The following PTCD2 variants were observed in gnomAD, a reference collection of about 807,000 sequenced individuals.
PTCD2 encodes pentatricopeptide repeat domain 2.
Under a neutral mutation model 42.6 loss-of-function variants are expected in PTCD2, and 31 were observed. The observed-to-expected ratio is 0.73, with a 90% confidence interval of 0.55 to 0.98. PTCD2 has a LOEUF of 0.98. PTCD2 is among the 50% of genes least tolerant of loss of function. PTCD2 has a pLI of 0.00. For synonymous variants in PTCD2, 183 were observed against 170.9 expected (o/e 1.07, Z -0.55); for missense variants, 476 against 454.8 (o/e 1.05, Z -0.42).
Position 72,364,140 on chromosome 5 carries a change from A to C in PTCD2, c.*5713A>C, listed in dbSNP as rs1449676988. 1 of 152,262 alleles carries C rather than the reference A, an allele frequency of 6.6e-6. No individual in the cohort carries two copies. The highest frequency in any genetic ancestry group is 6.5e-5 in the Admixed American group (1 of 15,292). 9.4% of individuals were successfully genotyped at this position (152,262 alleles called of 1,614,324 possible). A position where few individuals can be genotyped will look rare whatever the true frequency, so the allele number is the denominator to read the frequency against. The stretch of plus-strand genomic sequence containing the variant: ...GAATCAAGGAATTACATTGGCTTAA[A>C]TGGCATTAGCTCAAAAAAGTGTTCT... On this transcript the variant is annotated 3_prime_UTR_variant, in exon 10 of 10. Coordinates refer to ENST00000380639, the MANE Select transcript of PTCD2 (RefSeq NM_024754.5).
intron 3 of PTCD2, among the ~76,000 whole-genome samples, chr5:72,329,241 A>G (rs1293674719): frequency 6.6e-6 from 1 of 152,212 alleles, no homozygotes; most frequent in Non-Finnish European, 1.5e-5. Flanking sequence ...ACTTGTAGAC[A>G]GCCGGACAAG....
chr5:72,341,338 C>A (rs1432994892), intron 7 of PTCD2, among the ~76,000 whole-genome samples: 1 of 152,126 alleles, frequency 6.6e-6, no homozygotes, highest in Non-Finnish European at 1.5e-5. Flanking sequence ...GCCACTGTAC[C>A]AGTTATTTTC....
chr5:72,324,274 A>G (rs751217949), intron 2 of PTCD2, among the ~76,000 whole-genome samples: 16 of 152,164 alleles, frequency 1.1e-4, no homozygotes, highest in African/African-American at 3.4e-4. Context: ...AATCTGCTCT[A>G]TTGTCAGACT....
intron 9 of PTCD2, 122 bp from the exon 10 acceptor site, chr5:72,358,081 G>A (rs1752966823): frequency 1.2e-6 from 1 of 860,804 alleles, no homozygotes; most frequent in African/African-American, 1.7e-5. Flanking sequence ...ATTAAAGCAT[G>A]GGCCACCTCG....
At position 72,320,419 on chromosome 5, in the gene PTCD2, T is replaced by C. The variant is rs1750746234; in HGVS notation, c.37T>C (p.Ser13Pro). ...RDSMAAAFRPSNRVLLQALQI... is the reference protein window; with the variant it reads ...RDSMAAAFRPPNRVLLQALQI... ...CAGTATGGCTGCTGCATTTCGGCCCTCGAATCGAGTTCTCCTGCAGGCGCT... is the reference window on the plus strand; with the variant it reads ...CAGTATGGCTGCTGCATTTCGGCCCCCGAATCGAGTTCTCCTGCAGGCGCT... Residue 13 changes from serine (S) to proline (P), a missense_variant, in exon 1 of 10, where the codon TCG becomes CCG. Ser to Pro is a moderately conservative substitution (Grantham distance 74, BLOSUM62 -1). Transcript: ENST00000380639. 6.2e-7 allele frequency: 1 copy of C among 1,614,086 alleles called. No individual in the cohort carries two copies. The highest frequency in any genetic ancestry group is 1.3e-5 in the African/African-American group (1 of 75,012).
Position 72,358,497 on chromosome 5 carries a change from C to G in PTCD2, c.*70C>G. 1 of 1,123,614 alleles carries G rather than the reference C, an allele frequency of 8.9e-7. No homozygotes were observed. The allele number at this position is 1,123,614 out of a possible 1,614,324, so 69.6% of individuals were successfully genotyped here. ...TGAGTTATTACCTTTCCTAAGAAGC[C>G]AGGTATCGCACTTCAGCAGACAGTG... On this transcript the variant is annotated 3_prime_UTR_variant, in exon 10 of 10. Coordinates refer to ENST00000380639, the MANE Select transcript of PTCD2 (RefSeq NM_024754.5).
At chr5:72,320,730 G>A (rs1162447462) in intron 1 of PTCD2, 4 of 594,150 alleles carry the variant, frequency 6.7e-6, no homozygotes, top group Non-Finnish European at 1.2e-5. Flanking sequence ...TATTGACCTT[G>A]GGGCTGTAGT....
chr5:72,357,985 A>T (rs545697569), intron 9 of PTCD2, among the ~76,000 whole-genome samples: 78 of 152,184 alleles, frequency 5.1e-4, no homozygotes, highest in African/African-American at 1.8e-3. Context: ...ATTTTTTTAC[A>T]GACAAAGTCT....
In PTCD2 at chr5:72,358,271, G is replaced by A; in HGVS notation, c.1011G>A (p.Gly337=). ...ALVAKFDEIY[G]TLHITGQVTT... is the part of the protein sequence containing the mutation. Reference sequence around the variant, plus strand: ...TGGCCAAATTTGATGAGATCTATGGGACACTGCACATCACTGGCCAGGTCA... The same window carrying A: ...TGGCCAAATTTGATGAGATCTATGGAACACTGCACATCACTGGCCAGGTCA... The change falls in exon 10 of 10, where the codon GGG becomes GGA. Residue 337 remains glycine (G), a synonymous_variant. Transcript: ENST00000380639. The A allele has an allele frequency of 8.1e-6, 13 of 1,614,078 alleles. No individual in the cohort carries two copies. The highest frequency in any genetic ancestry group is 1.7e-4 in the Middle Eastern group (1 of 6,058).
intron 6 of PTCD2, among the ~76,000 whole-genome samples, chr5:72,336,968 C>T (rs1751785963): frequency 6.6e-6 from 1 of 152,050 alleles, no homozygotes; most frequent in Non-Finnish European, 1.5e-5. Flanking sequence ...AAGAATGTAG[C>T]AATACCAGTT....
intron 9 of PTCD2, among the ~76,000 whole-genome samples, chr5:72,355,729 CAG>C (rs1396141355): frequency 5.9e-5 from 9 of 152,142 alleles, no homozygotes; most frequent in African/African-American, 1.7e-4. Context: ...AGGTGAAAAA[CAG>C]AAGTGTAAAG....
At chr5:72,321,707 A>G (rs1750857869) in intron 1 of PTCD2, among the ~76,000 whole-genome samples, 1 of 152,222 alleles carries the variant, frequency 6.6e-6, no homozygotes. Flanking sequence ...CATTTCACAG[A>G]GGACAAAACT....
intron 8 of PTCD2, among the ~76,000 whole-genome samples, chr5:72,348,411 C>G (rs1752466756): frequency 6.6e-6 from 1 of 152,214 alleles, no homozygotes; most frequent in Non-Finnish European, 1.5e-5. Context: ...CTACTGTCAA[C>G]TGAAATTTGA....
chr5:72,334,199 A>G (rs1172271616), intron 4 of PTCD2, among the ~76,000 whole-genome samples: 1 of 152,186 alleles, frequency 6.6e-6, no homozygotes, highest in South Asian at 2.1e-4. Flanking sequence ...CAATTAAATA[A>G]ATACATACAG....
intron 3 of PTCD2, among the ~76,000 whole-genome samples, chr5:72,327,583 T>C (rs1196852516): frequency 1.3e-5 from 2 of 151,782 alleles, no homozygotes; most frequent in South Asian, 2.1e-4. Flanking sequence ...AGCAATTCTC[T>C]TGCCTCAGTC....
chr5:72,363,911 T>C lies in PTCD2; in HGVS notation c.*5484T>C, dbSNP rs189572068. 6.6e-6 allele frequency: 1 copy of C among 152,302 alleles called. No homozygotes were observed. Among genetic ancestry groups the C allele is most frequent in the Non-Finnish European group, 1.5e-5 (1 of 68,012 alleles). The allele number at this position is 152,302 out of a possible 1,614,324, so 9.4% of individuals were successfully genotyped here. ...ATAACATTTCTACCTATAAATTTGA[T>C]TCAGAGAAATTACACTTCATAGATA... On this transcript the variant is annotated 3_prime_UTR_variant, in exon 10 of 10. Transcript: ENST00000380639.
At chr5:72,358,093 C>T in intron 9 of PTCD2, 110 bp from the exon 10 acceptor site, 1 of 988,656 alleles carries the variant, frequency 1.0e-6, no homozygotes, top group South Asian at 1.6e-5. Context: ...GCCACCTCGC[C>T]TGGCCTACCA....
At position 72,346,331 on chromosome 5, in the gene PTCD2, A is replaced by T. The variant is rs80060149; in HGVS notation, c.828+3295A>T. Among the ~76,000 whole-genome samples, 319 of 152,362 alleles carry T rather than the reference A, an allele frequency of 2.1e-3. 1 individual carries two copies. The highest frequency in any genetic ancestry group is 7.2e-3 in the African/African-American group (301 of 41,586). On this transcript the variant is annotated intron_variant, in intron 8 of 9. Coordinates refer to ENST00000380639, the MANE Select transcript of PTCD2 (RefSeq NM_024754.5). Reference sequence around the variant, plus strand: ...GATTTGATATGAACTGATGAATGCCATAAGAAAGCAGGGAAGTATGAGGGC... The same window carrying T: ...GATTTGATATGAACTGATGAATGCCTTAAGAAAGCAGGGAAGTATGAGGGC...
At chr5:72,326,103 C>A (rs1751122294) in intron 2 of PTCD2, among the ~76,000 whole-genome samples, 1 of 152,234 alleles carries the variant, frequency 6.6e-6, no homozygotes, top group Non-Finnish European at 1.5e-5. Flanking sequence ...GAAGTTGAAT[C>A]AAATGAAAGA....
Sources: gnomAD v4.1 joint callset for allele counts (sites outside exome capture counted in the v4.1 genomes callset) on GRCh38, gnomAD v4.1.1 for gene constraint, MANE v1.5 for transcripts, NCBI Gene and HGNC (gene_info 2026-07-23, HGNC 2026-07-21) for gene names.